Variants in DYNC1H1 observed in about 807,000 individuals in gnomAD.
DYNC1H1 encodes the protein dynein cytoplasmic 1 heavy chain 1.
Under a neutral mutation model 527.1 loss-of-function variants are expected in DYNC1H1, and 51 were observed. That is an observed-to-expected ratio of 0.10 (90% CI 0.08 to 0.12). The LOEUF (loss-of-function observed/expected upper bound fraction) is 0.12. DYNC1H1 is among the 10% of genes least tolerant of loss of function. The pLI, the probability that DYNC1H1 is intolerant of heterozygous loss-of-function variation, is 1.00. For missense variants in DYNC1H1, 2,771 were observed against 5,971.8 expected, an observed-to-expected ratio of 0.46 and a Z score of 17.66; for synonymous variants, 2,189 against 2,278.8, an observed-to-expected ratio of 0.96 and a Z score of 1.12.
In DYNC1H1 at chr14:102,027,274, G is replaced by A; in HGVS notation, c.8872G>A (p.Val2958Met). Residue 2958 changes from valine to methionine, a missense_variant, in exon 45 of 78, where the codon GTG becomes ATG. Physicochemically the swap from Val to Met is conservative, Grantham distance 21 (BLOSUM62 1). Around this residue, in one of 32 missense-constraint regions of DYNC1H1, gnomAD observed 84 missense variants for 285.4 expected, o/e 0.29. Transcript: ENST00000360184. This position sits in a 1 kb window ranked among gnomAD's most constrained non-coding sequence, Gnocchi z 7.7. ...CGTCGCCTGGATGAACGGTTTGAGT[G>A]TGTACCAGATTAAGGTGCGTCTGGT... ...RFVAWMNGLS[V>M]YQIKVHRKYT... The A allele has an allele frequency of 6.2e-7, 1 of 1,614,118 alleles. No individual in the cohort carries two copies.
Position 102,034,594 on chromosome 14 carries a change from A to G in DYNC1H1, c.10754+142A>G, listed in dbSNP as rs1215558330. On this transcript the variant is annotated intron_variant, in intron 56 of 77. Coordinates refer to ENST00000360184, the MANE Select transcript of DYNC1H1 (RefSeq NM_001376.5). Reference sequence around the variant, plus strand: ...GTGCTGGCAGCTTGGTGCTCCTCTGATGGTGGGGCGTGTGCTGTTCTCGTT... The same window carrying G: ...GTGCTGGCAGCTTGGTGCTCCTCTGGTGGTGGGGCGTGTGCTGTTCTCGTT... The G allele has an allele frequency of 1.4e-5, 19 of 1,327,066 alleles. 1 individual carries two copies. In the South Asian group the frequency reaches 2.3e-4, roughly 16 times the overall value. 82.2% of individuals were successfully genotyped at this position (1,327,066 alleles called of 1,614,324 possible).
Position 102,029,538 on chromosome 14 carries a change from G to T in DYNC1H1, c.9469-1G>T. 6.2e-7 allele frequency: 1 copy of T among 1,614,158 alleles called. No individual in the cohort carries two copies. ...GAGAAGATGTAACTATTTTCTGAAA[G>T]GCGAATGCTCGGCTAGCAAAGCGAG... On this transcript the variant is annotated splice_acceptor_variant, in intron 48 of 77. Transcript: ENST00000360184. LOFTEE classifies it high-confidence loss of function. The surrounding 1 kb of genome is among the most constrained non-coding windows in gnomAD (Gnocchi z 5.3).
In DYNC1H1 at chr14:102,002,177, C is replaced by G. The variant is rs907299296; in HGVS notation, c.4543-360C>G. Among the ~76,000 whole-genome samples the G allele has an allele frequency of 2.6e-5, 4 of 151,352 alleles. No homozygotes were observed. The highest frequency in any genetic ancestry group is 5.9e-5 in the Non-Finnish European group (4 of 67,914). ...CCAGGCTGGAGTGCAATGGCACGAT[C>G]TCGGCTCACTGCAACCTCTGCCTCC... On this transcript the variant is annotated intron_variant, in intron 21 of 77. Coordinates refer to ENST00000360184, the MANE Select transcript of DYNC1H1 (RefSeq NM_001376.5). This position sits in a 1 kb window ranked among gnomAD's most constrained non-coding sequence, Gnocchi z 4.4.
chr14:102,015,105 G>T lies in DYNC1H1; in HGVS notation c.7015G>T (p.Val2339Leu), dbSNP rs1469258300. ...NGERLSLPPN[V>L]RIMFEVQDLK... ...AATCTGCTTAATGTTTTCTTTCAAG[G>T]TGAGAATAATGTTTGAGGTACAGGA... Residue 2339 changes from valine (V) to leucine (L), a missense_variant and splice_region_variant, in exon 35 of 78, where the codon GTG becomes TTG. Physicochemically the swap from Val to Leu is conservative, Grantham distance 32. Coordinates refer to ENST00000360184, the MANE Select transcript of DYNC1H1 (RefSeq NM_001376.5). This position sits in a 1 kb window ranked among gnomAD's most constrained non-coding sequence, Gnocchi z 6.9. The T allele has an allele frequency of 6.2e-7, 1 of 1,614,194 alleles. No individual in the cohort carries two copies. Among genetic ancestry groups the T allele is most frequent in the Non-Finnish European group, 8.5e-7 (1 of 1,180,014 alleles).
chr14:102,025,670 A>G (rs1030183596), intron 43 of DYNC1H1, among the ~76,000 whole-genome samples: 2 of 151,502 alleles, frequency 1.3e-5, no homozygotes, highest in African/African-American at 4.9e-5. Flanking sequence ...TTCTTTCCTT[A>G]TGGACACCCA....
At chr14:102,046,371 C>T (rs2048718852) in intron 72 of DYNC1H1, among the ~76,000 whole-genome samples, 1 of 152,154 alleles carries the variant, frequency 6.6e-6, no homozygotes, top group Non-Finnish European at 1.5e-5. Context: ...AAGACAAGGG[C>T]ATTGCTGAAA....
chr14:102,045,909 G>T (rs1436700389), intron 72 of DYNC1H1, among the ~76,000 whole-genome samples: 4 of 151,912 alleles, frequency 2.6e-5, no homozygotes, highest in Non-Finnish European at 5.9e-5. Flanking sequence ...GCTCAAGCCT[G>T]TAATCCCAGC....
chr14:102,008,886 T>G (rs964084628), intron 29 of DYNC1H1, among the ~76,000 whole-genome samples: 7 of 152,340 alleles, frequency 4.6e-5, no homozygotes, highest in Middle Eastern at 3.4e-3. Context: ...ACCAAAAACC[T>G]GAGCAGTCCT....
Position 102,010,172 on chromosome 14 carries a change from T to C in DYNC1H1, c.6221+86T>C. ...ACCTTAAAATTTTTATATGTAATGA[T>C]GGTACGTCTTTCAAAATATCCATCT... On this transcript the variant is annotated intron_variant, in intron 30 of 77. Coordinates refer to ENST00000360184, the MANE Select transcript of DYNC1H1 (RefSeq NM_001376.5). The surrounding 1 kb of genome is among the most constrained non-coding windows in gnomAD (Gnocchi z 6.0). The C allele has an allele frequency of 6.2e-7, 1 of 1,612,224 alleles. No homozygotes were observed. Among genetic ancestry groups the C allele is most frequent in the Non-Finnish European group, 8.5e-7 (1 of 1,179,110 alleles).
At chr14:102,043,700 C>G (rs1028619756) in intron 69 of DYNC1H1, 175 bp from the exon 70 acceptor site, 9 of 746,326 alleles carry the variant, frequency 1.2e-5, no homozygotes, top group Non-Finnish European at 2.0e-5. Context: ...GATGACACGT[C>G]TATTAATAGA....
Position 102,029,413 on chromosome 14 carries a change from T to C in DYNC1H1, c.9469-126T>C, listed in dbSNP as rs751379745. On this transcript the variant is annotated intron_variant, in intron 48 of 77. Coordinates refer to ENST00000360184, the MANE Select transcript of DYNC1H1 (RefSeq NM_001376.5). The surrounding 1 kb of genome is among the most constrained non-coding windows in gnomAD (Gnocchi z 5.3). ...TGGCTAAGCTGAGGCCCGACTCGAGTGTTCTGGCCCCGAGGGCCAGGCTCC... is the reference window on the plus strand; with the variant it reads ...TGGCTAAGCTGAGGCCCGACTCGAGCGTTCTGGCCCCGAGGGCCAGGCTCC... 1.4e-5 allele frequency: 18 copies of C among 1,267,748 alleles called. No homozygotes were observed. Among genetic ancestry groups the C allele is most frequent in the Non-Finnish European group, 2.0e-5 (18 of 893,698 alleles). The allele number at this position is 1,267,748 out of a possible 1,614,324, so 78.5% of individuals were successfully genotyped here.
At position 101,965,567 on chromosome 14, in the gene DYNC1H1, C is replaced by T. The variant is rs1258240498; in HGVS notation, c.256+620C>T. 2.0e-5 allele frequency among the ~76,000 whole-genome samples: 3 copies of T among 152,128 alleles called. No individual in the cohort carries two copies. Among genetic ancestry groups the T allele is most frequent in the African/African-American group, 7.2e-5 (3 of 41,440 alleles). Reference sequence around the variant, plus strand: ...GTGCCAGCCCCGGGCCTGCGAGCATCACTGTTGTAGGTGGATGCTCTCACA... The same window carrying T: ...GTGCCAGCCCCGGGCCTGCGAGCATTACTGTTGTAGGTGGATGCTCTCACA... On this transcript the variant is annotated intron_variant, in intron 1 of 77. Transcript: ENST00000360184. The surrounding 1 kb of genome is among the most constrained non-coding windows in gnomAD (Gnocchi z 4.1).
rs2048450931 is a variant in DYNC1H1, at chr14:102,026,330, A to G, written c.8638-244A>G. Among the ~76,000 whole-genome samples, 5 of 152,066 alleles carry G rather than the reference A, an allele frequency of 3.3e-5. No individual in the cohort carries two copies. In the South Asian group the frequency reaches 1.0e-3, roughly 31 times the overall value. ...TGTTTTTTTCCTCCATGATCATGGT[A>G]TGTCTCTTCATGTATTGAGGTCCTC... On this transcript the variant is annotated intron_variant, in intron 43 of 77. Coordinates refer to ENST00000360184, the MANE Select transcript of DYNC1H1 (RefSeq NM_001376.5).
intron 15 of DYNC1H1, among the ~76,000 whole-genome samples, chr14:101,996,135 CTTT>C (rs537429528): frequency 7.0e-6 from 1 of 142,536 alleles, no homozygotes. Flanking sequence ...CTTTTCTTTT[CTTT>C]TTTTTTTTTG....
At chr14:102,004,419 A>T (rs17541019) in intron 23 of DYNC1H1, 99 bp from the exon 24 acceptor site, 9 of 1,374,376 alleles carry the variant, frequency 6.5e-6, no homozygotes, top group Non-Finnish European at 8.8e-6. Flanking sequence ...CCACCACCAG[A>T]CACATGTTCT....
chr14:101,993,386 T>G (rs1857034413), intron 11 of DYNC1H1, among the ~76,000 whole-genome samples: 1 of 152,170 alleles, frequency 6.6e-6, no homozygotes. Context: ...ATCCTGACAC[T>G]CTTTTCGGAG....
chr14:102,049,685 C>T lies in DYNC1H1; in HGVS notation c.13516-29C>T. The T allele has an allele frequency of 6.2e-7, 1 of 1,613,892 alleles. No individual in the cohort carries two copies. The highest frequency in any genetic ancestry group is 1.1e-5 in the South Asian group (1 of 91,080). ...CAGGGCCCAGGTCTGACCTGAGCTCCTTCCCCTGGGGGCTGCTGCTTTCCA... is the reference window on the plus strand; with the variant it reads ...CAGGGCCCAGGTCTGACCTGAGCTCTTTCCCCTGGGGGCTGCTGCTTTCCA... On this transcript the variant is annotated intron_variant, in intron 75 of 77. Coordinates refer to ENST00000360184, the MANE Select transcript of DYNC1H1 (RefSeq NM_001376.5). This position sits in a 1 kb window ranked among gnomAD's most constrained non-coding sequence, Gnocchi z 5.5.
intron 1 of DYNC1H1, among the ~76,000 whole-genome samples, chr14:101,972,030 A>G (rs901488569): frequency 1.3e-5 from 2 of 152,196 alleles, no homozygotes; most frequent in African/African-American, 4.8e-5. Flanking sequence ...TTTTAACAGT[A>G]ACTTTGTATT....
rs1431764163 is a variant in DYNC1H1 at position 102,018,638 on chromosome 14, T to C, written c.8343+22T>C. 1.1e-5 allele frequency: 17 copies of C among 1,612,286 alleles called. No individual in the cohort carries two copies. Among genetic ancestry groups the C allele is most frequent in the Non-Finnish European group, 1.4e-5 (17 of 1,179,892 alleles). On this transcript the variant is annotated intron_variant, in intron 41 of 77. Coordinates refer to ENST00000360184, the MANE Select transcript of DYNC1H1 (RefSeq NM_001376.5). This position sits in a 1 kb window ranked among gnomAD's most constrained non-coding sequence, Gnocchi z 5.2. Reference sequence around the variant, plus strand: ...TCAGGTACGCAGAGTTTCTTTGCTCTTCCAGAAATTGTTTTCCTCTCATAA... The same window carrying C: ...TCAGGTACGCAGAGTTTCTTTGCTCCTCCAGAAATTGTTTTCCTCTCATAA...
Sources: gnomAD v4.1 joint callset for allele counts (sites outside exome capture counted in the v4.1 genomes callset) on GRCh38, gnomAD v4.1.1 for gene constraint, gnomAD v4.1.1 regional missense constraint, Gnocchi (gnomAD v3.1) non-coding constraint, MANE v1.5 for transcripts, NCBI Gene and HGNC (gene_info 2026-07-23, HGNC 2026-07-21) for gene names.